Variants in KDM2B observed in about 807,000 individuals in gnomAD.
The protein encoded by KDM2B is lysine demethylase 2B.
KDM2B carries 26 observed loss-of-function variants against 150.0 expected under a neutral mutation model. The observed-to-expected ratio is 0.17, with a 90% CI of 0.13 to 0.24. KDM2B has a LOEUF of 0.24. Ranked by LOEUF, KDM2B falls within the 10% of genes least tolerant of loss-of-function variation. The pLI is 1.00. For missense variants in KDM2B, 1,265 were observed against 1,816.9 expected (o/e 0.70, Z 5.52); for synonymous variants, 734 against 729.5 (o/e 1.01, Z -0.10).
chr12:121,481,505 T>C (rs1566320057), intron 12 of KDM2B, among the ~76,000 whole-genome samples: 1 of 143,970 alleles, frequency 6.9e-6, no homozygotes, highest in East Asian at 2.3e-4. Flanking sequence ...TACATCCATC[T>C]TCCTAACAAA....
Position 121,430,547 on chromosome 12 carries a change from G to A in KDM2B, c.3830-78C>T. On this transcript the variant is annotated intron_variant, in intron 22 of 22. Transcript: ENST00000377071. The surrounding 1 kb of genome is among the most constrained non-coding windows in gnomAD (Gnocchi z 4.4). ...CCCCGCCGCCAGACCCAGGCACTCA[G>A]CAGTGGGGACAGGTCAGAGCTCTAC... 1 of 962,406 alleles carries A rather than the reference G, an allele frequency of 1.0e-6. No individual in the cohort carries two copies. Among genetic ancestry groups the A allele is most frequent in the Non-Finnish European group, 1.7e-6 (1 of 592,592 alleles). The allele number at this position is 962,406 out of a possible 1,614,324, so 59.6% of individuals were successfully genotyped here. A position where few individuals can be genotyped will look rare whatever the true frequency, so the allele number is the denominator to read the frequency against.
chr12:121,437,235 T>C (rs1874160886), intron 22 of KDM2B, among the ~76,000 whole-genome samples: 1 of 151,340 alleles, frequency 6.6e-6, no homozygotes, highest in Admixed American at 6.6e-5. Flanking sequence ...GGGGAGAGCA[T>C]TCAATTCTGT....
chr12:121,580,340 G>C (rs1336693878), intron 1 of KDM2B: 3 of 1,135,358 alleles, frequency 2.6e-6, no homozygotes, highest in Non-Finnish European at 2.2e-6. Flanking sequence ...GCTATTTGGG[G>C]GGGCTCTCGG....
At chr12:121,413,260 C>T in the KDM2B span, among the ~76,000 whole-genome samples, 1 of 150,298 alleles carries the variant, frequency 6.7e-6, no homozygotes, top group Non-Finnish European at 1.5e-5. Context: ...CTCCTGACCT[C>T]AGGAGATCCA....
chr12:121,420,832 A>C, the KDM2B span: 3 of 1,389,792 alleles, frequency 2.2e-6, no homozygotes, highest in Non-Finnish European at 3.0e-6. Context: ...GGCTTTTAAA[A>C]ACTGGGTTGT....
intron 13 of KDM2B, 87 bp from the exon 14 acceptor site, chr12:121,445,505 C>A (rs1593764370): frequency 7.3e-7 from 1 of 1,378,024 alleles, no homozygotes; most frequent in East Asian, 2.5e-5. Flanking sequence ...ATGAGCTGCT[C>A]CCCTTGGGCC....
chr12:121,533,241 C>A lies in KDM2B; in HGVS notation c.778-282G>T, dbSNP rs1205481894. 6.6e-6 allele frequency among the ~76,000 whole-genome samples: 1 copy of A among 152,106 alleles called. No homozygotes were observed. Among genetic ancestry groups the A allele is most frequent in the African/African-American group, 2.4e-5 (1 of 41,408 alleles). Reference sequence around the variant, plus strand: ...TGGACTGGGTGGGACATGCTTTCTCCCGAACCACAGGCTTGTCTAGGAGGT... The same window carrying A: ...TGGACTGGGTGGGACATGCTTTCTCACGAACCACAGGCTTGTCTAGGAGGT... On this transcript the variant is annotated intron_variant, in intron 7 of 22. Coordinates refer to ENST00000377071, the MANE Select transcript of KDM2B (RefSeq NM_032590.5). The surrounding 1 kb of genome is among the most constrained non-coding windows in gnomAD (Gnocchi z 4.1).
At chr12:121,485,357 C>T (rs1267973836) in intron 12 of KDM2B, among the ~76,000 whole-genome samples, 2 of 152,054 alleles carry the variant, frequency 1.3e-5, no homozygotes, top group African/African-American at 4.8e-5. Context: ...GACACTAACC[C>T]GAAGTCGCCC....
At chr12:121,471,394 C>T (rs1298413375) in intron 12 of KDM2B, among the ~76,000 whole-genome samples, 1 of 152,194 alleles carries the variant, frequency 6.6e-6, no homozygotes, top group Non-Finnish European at 1.5e-5. Flanking sequence ...ACAATTGTCA[C>T]TCATGTCTCT....
At chr12:121,524,221 G>C (rs1886937187) in intron 8 of KDM2B, among the ~76,000 whole-genome samples, 1 of 152,138 alleles carries the variant, frequency 6.6e-6, no homozygotes, top group Admixed American at 6.6e-5. Context: ...CCCTTCTGGG[G>C]AACTTGGTGA....
chr12:121,425,637 T>C (rs2137255538), downstream of KDM2B, among the ~76,000 whole-genome samples: 1 of 152,314 alleles, frequency 6.6e-6, no homozygotes, highest in African/African-American at 2.4e-5. Context: ...GATCAAAGCA[T>C]GTAAATCAAG....
At chr12:121,416,638 T>C in the KDM2B span, 1 of 317,118 alleles carries the variant, frequency 3.2e-6, no homozygotes, top group Non-Finnish European at 5.9e-6. Flanking sequence ...CTATTATGTT[T>C]ATTTCCAAAA....
At chr12:121,559,760 A>G (rs1555313538) in intron 4 of KDM2B, among the ~76,000 whole-genome samples, 1 of 152,022 alleles carries the variant, frequency 6.6e-6, no homozygotes, top group Non-Finnish European at 1.5e-5. Flanking sequence ...AAAATTAGTC[A>G]GGCATGGTGG....
chr12:121,494,158 A>G (rs1321637742), intron 12 of KDM2B: 1 of 171,306 alleles, frequency 5.8e-6, no homozygotes, highest in Non-Finnish European at 1.3e-5. Flanking sequence ...CGCTCGACCG[A>G]TTAGACATTT....
chr12:121,488,219 T>C (rs967950673), intron 12 of KDM2B, among the ~76,000 whole-genome samples: 2 of 152,202 alleles, frequency 1.3e-5, no homozygotes, highest in African/African-American at 2.4e-5. Context: ...AAGCAAATGA[T>C]AATTTTGGGA....
intron 4 of KDM2B, among the ~76,000 whole-genome samples, chr12:121,554,492 C>A (rs1889757839): frequency 6.6e-6 from 1 of 151,812 alleles, no homozygotes; most frequent in South Asian, 2.1e-4. Context: ...CTCACTGCAA[C>A]CTCTGCCTCC....
At position 121,575,444 on chromosome 12, in the gene KDM2B, T is replaced by C. The variant is rs953182339; in HGVS notation, c.350+337A>G. On this transcript the variant is annotated intron_variant, in intron 3 of 22. Transcript: ENST00000377071. This position sits in a 1 kb window ranked among gnomAD's most constrained non-coding sequence, Gnocchi z 4.4. ...TGGCTAGTCTCTTTGCAGCTCAGGCTCTGCCTCAGTCTCCTGATCTGGAGC... is the reference window on the plus strand; with the variant it reads ...TGGCTAGTCTCTTTGCAGCTCAGGCCCTGCCTCAGTCTCCTGATCTGGAGC... Among the ~76,000 whole-genome samples the C allele has an allele frequency of 2.0e-5, 3 of 152,234 alleles. No individual in the cohort carries two copies. The highest frequency in any genetic ancestry group is 4.4e-5 in the Non-Finnish European group (3 of 68,048).
intron 4 of KDM2B, among the ~76,000 whole-genome samples, chr12:121,564,071 C>A (rs911531287): frequency 1.3e-5 from 2 of 151,736 alleles, no homozygotes; most frequent in Admixed American, 1.3e-4. Context: ...GCTGTAATCA[C>A]ACAACTGGAC....
chr12:121,516,867 GAAA>G (rs11433051), intron 9 of KDM2B: 144 of 552,924 alleles, frequency 2.6e-4, no homozygotes, highest in Middle Eastern at 4.4e-4. Context: ...TTTTCTCCTG[GAAA>G]AAAAAAAAAA....
Sources: allele counts gnomAD v4.1 joint callset (sites outside exome capture counted in the v4.1 genomes callset), GRCh38; gene constraint gnomAD v4.1.1; non-coding constraint Gnocchi (gnomAD v3.1); transcripts MANE v1.5; gene names NCBI Gene and HGNC (gene_info 2026-07-23, HGNC 2026-07-21).